Variants in CNTNAP2 observed in about 807,000 individuals in gnomAD.
CNTNAP2 encodes the protein contactin associated protein 2, also known as contactin-associated protein-like 2.
CNTNAP2 carries 98 observed loss-of-function variants against 155.2 expected under a neutral mutation model. The observed-to-expected ratio is 0.63, with a 90% CI of 0.54 to 0.75. The LOEUF is 0.75. Among genes scored for constraint, CNTNAP2 ranks in the 30% least tolerant of loss-of-function variants. CNTNAP2 has a pLI of 0.00. For synonymous variants in CNTNAP2, 651 were observed against 631.2 expected, an observed-to-expected ratio of 1.03 and a Z score of -0.47; for missense variants, 1,727 against 1,688.1, an observed-to-expected ratio of 1.02 and a Z score of -0.40.
intron 9 of CNTNAP2, among the ~76,000 whole-genome samples, chr7:147,384,461 G>A (rs1448633328): frequency 6.6e-6 from 1 of 152,134 alleles, no homozygotes; most frequent in Non-Finnish European, 1.5e-5. Flanking sequence ...CTTGCAGTGA[G>A]AGTCAGGAGT....
intron 13 of CNTNAP2, among the ~76,000 whole-genome samples, chr7:147,851,950 T>TA (rs956346099): frequency 5.9e-5 from 9 of 152,014 alleles, no homozygotes; most frequent in Non-Finnish European, 7.4e-5. Context: ...CTGATTTGTT[T>TA]AAAAAAAATC....
intron 15 of CNTNAP2, among the ~76,000 whole-genome samples, chr7:148,054,071 C>A (rs1002231387): frequency 6.7e-6 from 1 of 150,090 alleles, no homozygotes; most frequent in Non-Finnish European, 1.5e-5. Flanking sequence ...CTCCCGGGTT[C>A]ACGCCATTCT....
intron 1 of CNTNAP2, among the ~76,000 whole-genome samples, chr7:146,200,530 A>ACG (rs1216624879): frequency 1.5e-5 from 1 of 67,940 alleles, no homozygotes; most frequent in African/African-American, 3.6e-5. Flanking sequence ...AGACACACAC[A>ACG]CACACACACA....
At chr7:148,389,159 C>T (rs941090305) in intron 22 of CNTNAP2, among the ~76,000 whole-genome samples, 2 of 152,196 alleles carry the variant, frequency 1.3e-5, no homozygotes, top group African/African-American at 2.4e-5. Context: ...TTGGCTCCTC[C>T]TATTCTTTTA....
At chr7:146,222,695 G>A (rs950899009) in intron 1 of CNTNAP2, among the ~76,000 whole-genome samples, 20 of 147,944 alleles carry the variant, frequency 1.4e-4, no homozygotes, top group African/African-American at 2.2e-4. Flanking sequence ...CTCGCTTGTC[G>A]CCCAGGCTGG....
chr7:148,026,285 CA>C (rs908379084), intron 15 of CNTNAP2, among the ~76,000 whole-genome samples: 16 of 151,424 alleles, frequency 1.1e-4, no homozygotes, highest in African/African-American at 3.2e-4. Flanking sequence ...CTCGTCTCTA[CA>C]AAAAAAAAAT....
At chr7:148,010,437 T>G (rs550807969) in intron 15 of CNTNAP2, among the ~76,000 whole-genome samples, 3 of 152,064 alleles carry the variant, frequency 2.0e-5, no homozygotes, top group East Asian at 3.9e-4. Flanking sequence ...TTATCTTTTG[T>G]GCTTCATGCC....
intron 10 of CNTNAP2, among the ~76,000 whole-genome samples, chr7:147,481,206 C>T (rs551529478): frequency 2.0e-5 from 3 of 152,256 alleles, no homozygotes; most frequent in East Asian, 1.9e-4. Flanking sequence ...CTTCAACGTG[C>T]GTTGATGATT....
At chr7:147,430,139 G>A (rs1797441390) in intron 10 of CNTNAP2, among the ~76,000 whole-genome samples, 2 of 152,112 alleles carry the variant, frequency 1.3e-5, no homozygotes, top group African/African-American at 4.8e-5. Flanking sequence ...TCAGAAACAT[G>A]AATCTATTTA....
At chr7:148,278,569 C>CAAAAAAA (rs34230909) in intron 21 of CNTNAP2, among the ~76,000 whole-genome samples, 2 of 116,630 alleles carry the variant, frequency 1.7e-5, no homozygotes, top group Non-Finnish European at 1.8e-5. Flanking sequence ...GACTACATCT[C>CAAAAAAA]AAAAAAAAAA....
intron 4 of CNTNAP2, among the ~76,000 whole-genome samples, chr7:147,069,130 A>G (rs1376999116): frequency 6.6e-6 from 1 of 152,186 alleles, no homozygotes; most frequent in Non-Finnish European, 1.5e-5. Context: ...CACCCGGGGA[A>G]GGGCACAGAG....
chr7:146,917,021 T>A (rs1186476316), intron 3 of CNTNAP2, among the ~76,000 whole-genome samples: 2 of 152,304 alleles, frequency 1.3e-5, no homozygotes, highest in East Asian at 3.9e-4. Flanking sequence ...GTTGTGTCAC[T>A]ATTATCATTC....
chr7:146,874,110 T>C (rs1268304737), intron 3 of CNTNAP2, among the ~76,000 whole-genome samples: 2 of 151,950 alleles, frequency 1.3e-5, no homozygotes, highest in Non-Finnish European at 2.9e-5. Flanking sequence ...TCGGGAGAAG[T>C]GAACTCAGGA....
intron 21 of CNTNAP2, among the ~76,000 whole-genome samples, chr7:148,301,844 G>A (rs1219452224): frequency 6.6e-6 from 1 of 152,206 alleles, no homozygotes; most frequent in African/African-American, 2.4e-5. Context: ...CATTGAGGAG[G>A]ACCCATGGGT....
intron 1 of CNTNAP2, among the ~76,000 whole-genome samples, chr7:146,640,496 T>C (rs1035487440): frequency 6.6e-5 from 10 of 152,220 alleles, no homozygotes; most frequent in Admixed American, 1.3e-4. Flanking sequence ...TTCCTTGCAA[T>C]GTGTAGAGTA....
chr7:146,999,256 A>T, intron 3 of CNTNAP2, among the ~76,000 whole-genome samples: 1 of 150,956 alleles, frequency 6.6e-6, no homozygotes, highest in East Asian at 1.9e-4. Context: ...AAAAAAAAAA[A>T]AAGACAAAGC....
chr7:148,400,151 G>A (rs755494275), intron 22 of CNTNAP2, among the ~76,000 whole-genome samples: 3 of 152,148 alleles, frequency 2.0e-5, no homozygotes, highest in African/African-American at 4.8e-5. Context: ...GCCTAAGGAG[G>A]TTCAGCAACT....
At position 147,078,359 on chromosome 7, in the gene CNTNAP2, C is replaced by T. The variant is rs149697982; in HGVS notation, c.551-29788C>T. Among the ~76,000 whole-genome samples the T allele has an allele frequency of 3.4e-3, 517 of 152,218 alleles. 2 individuals carry two copies. Among genetic ancestry groups the T allele is most frequent in the Non-Finnish European group, 5.6e-3 (384 of 67,996 alleles). ...TACTTTTTTTGTTCAGCAGATTAAC[C>T]AAAAACTACCATGTACCATGTTTGC... On this transcript the variant is annotated intron_variant, in intron 4 of 23. Transcript: ENST00000361727.
intron 11 of CNTNAP2, among the ~76,000 whole-genome samples, chr7:147,512,178 C>T (rs1799034813): frequency 1.3e-5 from 2 of 152,180 alleles, no homozygotes; most frequent in South Asian, 2.1e-4. Flanking sequence ...CTCACCATCG[C>T]CGTGCCCACA....
Sources: allele counts gnomAD v4.1 joint callset (sites outside exome capture counted in the v4.1 genomes callset), GRCh38; gene constraint gnomAD v4.1.1; transcripts MANE v1.5; gene names NCBI Gene and HGNC (gene_info 2026-07-23, HGNC 2026-07-21).